CCDC91: variants seen among roughly 807,000 people sequenced by gnomAD.
CCDC91 encodes coiled-coil domain containing 91.
In CCDC91, 48 loss-of-function variants were observed where a neutral mutation model predicts 63.2. The observed-to-expected ratio is 0.76, with a 90% CI of 0.60 to 0.97. CCDC91 has a LOEUF of 0.97. Among genes scored for constraint, CCDC91 ranks in the 50% least tolerant of loss-of-function variants. CCDC91 has a pLI of 0.00. For synonymous variants in CCDC91, 167 were observed against 165.8 expected, an observed-to-expected ratio of 1.01 and a Z score of -0.06; for missense variants, 500 against 494.6, an observed-to-expected ratio of 1.01 and a Z score of -0.10.
intron 6 of CCDC91, among the ~76,000 whole-genome samples, chr12:28,315,091 AG>A (rs932643116): frequency 1.7e-4 from 26 of 151,844 alleles, no homozygotes; most frequent in African/African-American, 6.3e-4. Flanking sequence ...CAAACCAAAC[AG>A]GTAGAATTAT....
At chr12:28,389,119 G>A (rs1052107831) in intron 7 of CCDC91, among the ~76,000 whole-genome samples, 18 of 152,136 alleles carry the variant, frequency 1.2e-4, no homozygotes, top group African/African-American at 3.4e-4. Flanking sequence ...ACTAATATCC[G>A]GAATCGACAA....
chr12:28,442,672 A>G (rs1217787147), intron 8 of CCDC91, among the ~76,000 whole-genome samples: 1 of 152,132 alleles, frequency 6.6e-6, no homozygotes, highest in Non-Finnish European at 1.5e-5. Context: ...AATGAGTATG[A>G]ACTGGGAAGA....
intron 1 of CCDC91, among the ~76,000 whole-genome samples, chr12:28,238,801 C>T (rs1414956298): frequency 1.3e-5 from 2 of 152,070 alleles, no homozygotes; most frequent in Non-Finnish European, 2.9e-5. Flanking sequence ...GGAATTATTA[C>T]ATGAGAACAA....
chr12:28,381,878 C>A (rs1945317890), intron 7 of CCDC91, among the ~76,000 whole-genome samples: 1 of 152,142 alleles, frequency 6.6e-6, no homozygotes, highest in Admixed American at 6.6e-5. Flanking sequence ...CTTCTCAACT[C>A]ACAGTCAAGG....
intron 11 of CCDC91, among the ~76,000 whole-genome samples, chr12:28,465,083 A>G (rs956672893): frequency 3.3e-5 from 5 of 152,198 alleles, no homozygotes; most frequent in African/African-American, 1.2e-4. Context: ...AGTACTTCAC[A>G]TAGGCCTGAG....
At chr12:28,484,232 A>T (rs1951602303) in intron 12 of CCDC91, 67 bp downstream of exon 12, 1 of 763,116 alleles carries the variant, frequency 1.3e-6, no homozygotes, top group Non-Finnish European at 2.1e-6. Context: ...CCATACAATA[A>T]CATGAAATTG....
chr12:28,257,249 T>C lies in CCDC91; in HGVS notation c.30+4T>C. The C allele has an allele frequency of 6.2e-7, 1 of 1,601,306 alleles. No individual in the cohort carries two copies. The highest frequency in any genetic ancestry group is 8.6e-7 in the Non-Finnish European group (1 of 1,168,860). On this transcript the variant is annotated splice_donor_region_variant and intron_variant, in intron 2 of 12. Transcript: ENST00000536442. ...TGATGATTTTGGTGGTTTTGAGGTA[T>C]GCACTGTTATTTACATTAGTTTGTT...
intron 3 of CCDC91, among the ~76,000 whole-genome samples, chr12:28,273,651 T>A (rs1267852592): frequency 2.0e-5 from 3 of 152,152 alleles, no homozygotes; most frequent in Non-Finnish European, 4.4e-5. Flanking sequence ...TTGAGAAGTG[T>A]CTGTTCATAT....
chr12:28,433,293 G>C (rs1176318819), intron 8 of CCDC91, among the ~76,000 whole-genome samples: 4 of 151,808 alleles, frequency 2.6e-5, no homozygotes, highest in South Asian at 2.1e-4. Flanking sequence ...AGTCATTGCT[G>C]TACTTAAGAT....
At chr12:28,200,465 G>A (rs961798831) in intron 1 of CCDC91, among the ~76,000 whole-genome samples, 5 of 145,684 alleles carry the variant, frequency 3.4e-5, no homozygotes, top group African/African-American at 1.0e-4. Context: ...GGGTACTTGA[G>A]ATTAGGGAGT....
intron 1 of CCDC91, among the ~76,000 whole-genome samples, chr12:28,246,259 A>C (rs1945724123): frequency 6.6e-6 from 1 of 152,160 alleles, no homozygotes; most frequent in Non-Finnish European, 1.5e-5. Context: ...TGAAAAAATA[A>C]ATTAAGGATT....
At chr12:28,309,610 T>C (rs568443800) in intron 6 of CCDC91, among the ~76,000 whole-genome samples, 4 of 152,224 alleles carry the variant, frequency 2.6e-5, no homozygotes, top group African/African-American at 9.6e-5. Context: ...CCTATATAAA[T>C]CCTGTTCTTC....
chr12:28,521,451 A>G (rs1940652135), intron 12 of CCDC91, among the ~76,000 whole-genome samples: 1 of 152,200 alleles, frequency 6.6e-6, no homozygotes, highest in Non-Finnish European at 1.5e-5. Flanking sequence ...GAATTTGCTT[A>G]TGAGCTTAAG....
At chr12:28,228,107 G>A (rs559080145) in intron 1 of CCDC91, among the ~76,000 whole-genome samples, 2 of 152,014 alleles carry the variant, frequency 1.3e-5, no homozygotes, top group African/African-American at 2.4e-5. Flanking sequence ...AACTTCATTT[G>A]TAGTTATTCT....
At chr12:28,448,845 T>C (rs1949662766) in intron 8 of CCDC91, among the ~76,000 whole-genome samples, 1 of 152,130 alleles carries the variant, frequency 6.6e-6, no homozygotes, top group South Asian at 2.1e-4. Flanking sequence ...TTGTATATTT[T>C]CTCATATGTA....
At chr12:28,401,416 CA>C (rs1227221547) in intron 8 of CCDC91, among the ~76,000 whole-genome samples, 1 of 152,008 alleles carries the variant, frequency 6.6e-6, no homozygotes, top group African/African-American at 2.4e-5. Context: ...AATTACCTCC[CA>C]TAAGGTACCT....
chr12:28,409,858 C>CT (rs1184585530), intron 8 of CCDC91, among the ~76,000 whole-genome samples: 6 of 151,486 alleles, frequency 4.0e-5, no homozygotes, highest in South Asian at 2.1e-4. Context: ...AGATGTATTT[C>CT]TTTTTTTTAT....
chr12:28,489,797 T>G (rs1365328953), intron 12 of CCDC91, among the ~76,000 whole-genome samples: 3 of 151,822 alleles, frequency 2.0e-5, no homozygotes, highest in African/African-American at 4.8e-5. Context: ...TTCTTGGATG[T>G]TTGCATCTCC....
chr12:28,484,277 A>T, intron 12 of CCDC91, 112 bp downstream of exon 12: 2 of 501,654 alleles, frequency 4.0e-6, no homozygotes, highest in East Asian at 6.7e-5. Flanking sequence ...CATCTAACTT[A>T]CGGATCTTCA....
Sources: allele counts gnomAD v4.1 joint callset (sites outside exome capture counted in the v4.1 genomes callset), GRCh38; gene constraint gnomAD v4.1.1; transcripts MANE v1.5; gene names NCBI Gene and HGNC (gene_info 2026-07-23, HGNC 2026-07-21).